Variants in PTPRG observed in about 807,000 individuals in gnomAD.
PTPRG encodes protein tyrosine phosphatase receptor type G, also known as receptor-type tyrosine-protein phosphatase gamma.
PTPRG carries 102 observed loss-of-function variants against 165.3 expected under a neutral mutation model. The ratio of observed to expected loss-of-function variants is 0.62; its 90% CI spans 0.53 to 0.73. The LOEUF (loss-of-function observed/expected upper bound fraction) is 0.73, where lower values mean the gene tolerates loss of function less well. Ranked by LOEUF, PTPRG falls within the 30% of genes least tolerant of loss-of-function variation. The probability of loss-of-function intolerance (pLI) is 0.00; values close to 1 mark genes in which losing one functional copy is unlikely to be tolerated. For synonymous variants in PTPRG, 675 were observed against 669.5 expected (o/e 1.01, Z -0.13); for missense variants, 1,866 against 1,861.4 (o/e 1.00, Z -0.05).
At chr3:61,846,688 A>G (rs1052075117) in intron 2 of PTPRG, among the ~76,000 whole-genome samples, 4 of 152,146 alleles carry the variant, frequency 2.6e-5, no homozygotes, top group African/African-American at 9.7e-5. Context: ...GTTGAAGTAG[A>G]CAGATCACTT....
At chr3:61,652,487 G>A (rs904839323) in intron 1 of PTPRG, among the ~76,000 whole-genome samples, 1 of 152,116 alleles carries the variant, frequency 6.6e-6, no homozygotes, top group African/African-American at 2.4e-5. Flanking sequence ...GACACTTGTT[G>A]AGCTCTTTCT....
At chr3:61,978,905 T>C (rs1397465701) in intron 2 of PTPRG, among the ~76,000 whole-genome samples, 1 of 152,168 alleles carries the variant, frequency 6.6e-6, no homozygotes, top group East Asian at 1.9e-4. Context: ...TTTAGTCCCG[T>C]AGATCTGGAA....
At chr3:61,826,331 G>A (rs1161723666) in intron 2 of PTPRG, among the ~76,000 whole-genome samples, 3 of 152,130 alleles carry the variant, frequency 2.0e-5, no homozygotes, top group Non-Finnish European at 2.9e-5. Context: ...GGCATCAGGG[G>A]ACCAACCTGC....
chr3:62,095,142 T>G (rs1038845296), intron 5 of PTPRG, among the ~76,000 whole-genome samples: 6 of 152,198 alleles, frequency 3.9e-5, no homozygotes, highest in African/African-American at 1.2e-4. Flanking sequence ...AAGCTTCATT[T>G]AAAAATTCTT....
intron 1 of PTPRG, among the ~76,000 whole-genome samples, chr3:61,745,950 A>T (rs2033180887): frequency 6.6e-6 from 1 of 152,238 alleles, no homozygotes; most frequent in African/African-American, 2.4e-5. Flanking sequence ...TGATCCCAGT[A>T]AAAATAGACC....
intron 2 of PTPRG, among the ~76,000 whole-genome samples, chr3:61,871,684 A>G (rs1257963224): frequency 6.6e-6 from 1 of 152,156 alleles, no homozygotes; most frequent in Non-Finnish European, 1.5e-5. Flanking sequence ...CTTTAGTTTT[A>G]TATTTTAGAA....
intron 2 of PTPRG, among the ~76,000 whole-genome samples, chr3:61,899,974 T>G: frequency 6.6e-6 from 1 of 152,248 alleles, no homozygotes; most frequent in East Asian, 1.9e-4. Context: ...TGTGAAGAAT[T>G]ACTTTAAAAA....
chr3:61,596,513 C>T (rs2106835106), intron 1 of PTPRG, among the ~76,000 whole-genome samples: 1 of 152,178 alleles, frequency 6.6e-6, no homozygotes, highest in South Asian at 2.1e-4. Context: ...ATAACTGGGG[C>T]AGTGTAGGGC....
intron 2 of PTPRG, among the ~76,000 whole-genome samples, chr3:61,761,440 G>A (rs189432821): frequency 1.5e-4 from 23 of 152,222 alleles, no homozygotes; most frequent in Admixed American, 2.6e-4. Flanking sequence ...TTAGCCAGGC[G>A]TGGTGGTGGA....
chr3:61,922,987 T>C (rs2039116912), intron 2 of PTPRG, among the ~76,000 whole-genome samples: 1 of 152,194 alleles, frequency 6.6e-6, no homozygotes, highest in African/African-American at 2.4e-5. Flanking sequence ...TCTATTCCCT[T>C]ATGCCCCACT....
chr3:62,039,082 A>T (rs1247723521), intron 4 of PTPRG, among the ~76,000 whole-genome samples: 1 of 152,040 alleles, frequency 6.6e-6, no homozygotes, highest in East Asian at 1.9e-4. Context: ...CTACAGGCAC[A>T]TGCCACCATG....
At chr3:62,288,302 A>C (rs1702748661) in intron 28 of PTPRG, among the ~76,000 whole-genome samples, 1 of 152,248 alleles carries the variant, frequency 6.6e-6, no homozygotes. Context: ...TTTAAGCAAT[A>C]AATAGTTTAG....
At chr3:62,194,747 G>A (rs185156898) in intron 9 of PTPRG, among the ~76,000 whole-genome samples, 4 of 152,062 alleles carry the variant, frequency 2.6e-5, no homozygotes, top group African/African-American at 4.8e-5. Context: ...AAGTTGCAGC[G>A]AGCTGAGATT....
intron 2 of PTPRG, among the ~76,000 whole-genome samples, chr3:61,754,532 G>A (rs558003867): frequency 1.3e-5 from 2 of 152,126 alleles, no homozygotes; most frequent in African/African-American, 2.4e-5. Context: ...CTCCTGCAGC[G>A]TGCCAGTGTG....
rs11324791 is a variant in PTPRG, at chr3:62,017,591, A to ATTTT, written c.519+14105_519+14108dup. 6.7e-3 allele frequency among the ~76,000 whole-genome samples: 954 copies of ATTTT among 142,832 alleles called. 8 individuals carry two copies. The highest frequency in any genetic ancestry group is 0.01 in the Non-Finnish European group (665 of 65,766). The allele number at this position is 142,832 out of a possible 152,430, so 93.7% of individuals were successfully genotyped here. ...CCACCGCGCCCGGCTAATTTTTTGT[A>ATTTT]TTTTTTTTTTTTTTAGTAGAGACGG... On this transcript the variant is annotated intron_variant, in intron 4 of 29. Coordinates refer to ENST00000474889, the MANE Select transcript of PTPRG (RefSeq NM_002841.4).
intron 5 of PTPRG, among the ~76,000 whole-genome samples, chr3:62,117,149 A>G (rs2106877077): frequency 6.6e-6 from 1 of 152,274 alleles, no homozygotes; most frequent in African/African-American, 2.4e-5. Flanking sequence ...ATTCAAACGG[A>G]CCATCTTTAG....
At position 61,925,780 on chromosome 3, in the gene PTPRG, C is replaced by T. The variant is rs1243050141; in HGVS notation, c.191-63845C>T. On this transcript the variant is annotated intron_variant, in intron 2 of 29. Coordinates refer to ENST00000474889, the MANE Select transcript of PTPRG (RefSeq NM_002841.4). ...AAATCATCATTGGTCAAAGTTGCAGCACCTGCCAACCTATACGCCAGTGTT... is the reference window on the plus strand; with the variant it reads ...AAATCATCATTGGTCAAAGTTGCAGTACCTGCCAACCTATACGCCAGTGTT... 2.0e-5 allele frequency: 8 copies of T among 399,044 alleles called. No individual in the cohort carries two copies. The East Asian group carries it at 5.9e-4, about 30-fold the overall frequency. 24.7% of individuals were successfully genotyped at this position (399,044 alleles called of 1,614,324 possible). A position where few individuals can be genotyped will look rare whatever the true frequency, so the allele number is the denominator to read the frequency against.
In PTPRG at chr3:62,219,617, G is replaced by A. The variant is rs1005609187; in HGVS notation, c.2288+634G>A. ...TCAGCCAGCTCAGCTGAGCAACTCC[G>A]TCAAGCCCACTCGTTTGGCCTGGGT... On this transcript the variant is annotated intron_variant, in intron 13 of 29. Transcript: ENST00000474889. This position sits in a 1 kb window ranked among gnomAD's most constrained non-coding sequence, Gnocchi z 4.5. Among the ~76,000 whole-genome samples, 2 of 152,160 alleles carry A rather than the reference G, an allele frequency of 1.3e-5. No individual in the cohort carries two copies. Among genetic ancestry groups the A allele is most frequent in the Non-Finnish European group, 2.9e-5 (2 of 68,032 alleles).
chr3:61,880,257 A>G (rs1424242385), intron 2 of PTPRG, among the ~76,000 whole-genome samples: 6 of 152,192 alleles, frequency 3.9e-5, no homozygotes, highest in Non-Finnish European at 8.8e-5. Flanking sequence ...ACAAATGTAA[A>G]ATTTTTAGAC....
Sources: allele counts gnomAD v4.1 joint callset (sites outside exome capture counted in the v4.1 genomes callset), GRCh38; gene constraint gnomAD v4.1.1; non-coding constraint Gnocchi (gnomAD v3.1); transcripts MANE v1.5; gene names NCBI Gene and HGNC (gene_info 2026-07-23, HGNC 2026-07-21).